Variants in PTPRD observed in about 807,000 individuals in gnomAD.
PTPRD encodes the protein protein tyrosine phosphatase receptor type D, also known as receptor-type tyrosine-protein phosphatase delta.
In PTPRD, 34 loss-of-function variants were observed where a neutral mutation model predicts 214.5. That is an observed-to-expected ratio of 0.16 (90% CI 0.12 to 0.21). The LOEUF (loss-of-function observed/expected upper bound fraction) is 0.21. Ranked by LOEUF, PTPRD falls within the 10% of genes least tolerant of loss-of-function variation. The pLI is 1.00. For synonymous variants in PTPRD, 1,128 were observed against 845.7 expected, an observed-to-expected ratio of 1.33 and a Z score of -5.79; for missense variants, 2,545 against 2,398.7, an observed-to-expected ratio of 1.06 and a Z score of -1.27.
intron 2 of PTPRD, among the ~76,000 whole-genome samples, chr9:10,453,925 T>C (rs2098878320): frequency 6.6e-6 from 1 of 151,700 alleles, no homozygotes; most frequent in Non-Finnish European, 1.5e-5. Context: ...GTGAGTCAGC[T>C]GTAGGCTTGT....
chr9:8,946,440 A>G (rs1045933560), intron 11 of PTPRD, among the ~76,000 whole-genome samples: 3 of 152,000 alleles, frequency 2.0e-5, no homozygotes, highest in Admixed American at 6.6e-5. Flanking sequence ...CATTTTATTT[A>G]TGGGAGTAAT....
intron 5 of PTPRD, among the ~76,000 whole-genome samples, chr9:9,791,290 C>T (rs1256429196): frequency 1.3e-5 from 2 of 152,066 alleles, no homozygotes; most frequent in South Asian, 2.1e-4. Flanking sequence ...TATTTGTTAA[C>T]TGCACACGTT....
chr9:9,337,457 C>G (rs539673655), intron 9 of PTPRD, among the ~76,000 whole-genome samples: 3 of 152,132 alleles, frequency 2.0e-5, no homozygotes, highest in East Asian at 1.9e-4. Flanking sequence ...GCCAAGAACA[C>G]TCCCAGTTAC....
intron 5 of PTPRD, among the ~76,000 whole-genome samples, chr9:9,875,655 G>C (rs1024942582): frequency 3.3e-5 from 5 of 152,080 alleles, no homozygotes; most frequent in Admixed American, 3.3e-4. Context: ...AACACAGTCT[G>C]AAACCTAGTA....
intron 14 of PTPRD, among the ~76,000 whole-genome samples, chr9:8,579,832 G>C (rs867360907): frequency 1.3e-5 from 2 of 152,244 alleles, no homozygotes; most frequent in East Asian, 1.9e-4. Context: ...AGATGGAAAC[G>C]GAACCAAAAG....
At chr9:8,484,077 C>A (rs755340887) in intron 30 of PTPRD, 42 bp downstream of exon 30, 1 of 1,586,308 alleles carries the variant, frequency 6.3e-7, no homozygotes, top group Non-Finnish European at 8.6e-7. Context: ...TCCTATTTAC[C>A]TATAATTCTT....
At chr9:10,169,473 C>CAATAAAAAA (rs2099186247) in intron 3 of PTPRD, among the ~76,000 whole-genome samples, 1 of 66,876 alleles carries the variant, frequency 1.5e-5, no homozygotes, top group Non-Finnish European at 2.7e-5. Context: ...GACTCTGTCT[C>CAATAAAAAA]AAAAAAAAAA....
chr9:10,273,669 A>G (rs1003031835), intron 3 of PTPRD, among the ~76,000 whole-genome samples: 3 of 152,144 alleles, frequency 2.0e-5, no homozygotes, highest in African/African-American at 7.2e-5. Context: ...CTTTATTCAA[A>G]GAACCACTAA....
intron 2 of PTPRD, among the ~76,000 whole-genome samples, chr9:10,351,831 T>G (rs2097188673): frequency 6.6e-6 from 1 of 152,014 alleles, no homozygotes; most frequent in South Asian, 2.1e-4. Context: ...ATAGACACAT[T>G]CATTTCCCAA....
intron 5 of PTPRD, among the ~76,000 whole-genome samples, chr9:9,890,402 T>G (rs1471831046): frequency 1.3e-5 from 2 of 151,994 alleles, no homozygotes; most frequent in Non-Finnish European, 2.9e-5. Context: ...TCTTCCTATG[T>G]TGCCCAGGCT....
intron 3 of PTPRD, among the ~76,000 whole-genome samples, chr9:10,270,563 A>G (rs1026255055): frequency 1.3e-5 from 2 of 152,208 alleles, no homozygotes; most frequent in Non-Finnish European, 2.9e-5. Context: ...CCATACAAAA[A>G]TCAAAATAAA....
intron 4 of PTPRD, among the ~76,000 whole-genome samples, chr9:9,944,064 G>A (rs1484988406): frequency 2.0e-5 from 3 of 152,082 alleles, no homozygotes; most frequent in South Asian, 4.1e-4. Context: ...TGAGCCCAAC[G>A]ACTGGTAAAT....
chr9:10,267,264 G>A (rs987326646), intron 3 of PTPRD, among the ~76,000 whole-genome samples: 1 of 151,402 alleles, frequency 6.6e-6, no homozygotes, highest in Non-Finnish European at 1.5e-5. Context: ...CAACACTTTT[G>A]GAAGTAGGTT....
chr9:8,859,837 T>A (rs975803743), intron 11 of PTPRD: 2 of 151,882 alleles, frequency 1.3e-5, no homozygotes, highest in Non-Finnish European at 2.9e-5. Flanking sequence ...TGCATGATTG[T>A]CTCTTGGCTT....
chr9:8,954,591 C>T (rs917929000), intron 11 of PTPRD, among the ~76,000 whole-genome samples: 3 of 151,656 alleles, frequency 2.0e-5, no homozygotes, highest in African/African-American at 7.3e-5. Context: ...AACCACTCAG[C>T]TAAAGAGCCT....
At chr9:8,842,617 T>C (rs2097580742) in intron 11 of PTPRD, among the ~76,000 whole-genome samples, 1 of 152,142 alleles carries the variant, frequency 6.6e-6, no homozygotes, top group African/African-American at 2.4e-5. Context: ...CTGTCTCTAC[T>C]ACTCTGTCTC....
At chr9:8,710,543 C>T (rs1224864550) in intron 12 of PTPRD, among the ~76,000 whole-genome samples, 1 of 152,044 alleles carries the variant, frequency 6.6e-6, no homozygotes, top group Non-Finnish European at 1.5e-5. Flanking sequence ...CTGAGCCCAA[C>T]AGGTCGAGGC....
intron 22 of PTPRD, among the ~76,000 whole-genome samples, chr9:8,505,603 C>A (rs1408840666): frequency 1.7e-5 from 2 of 114,304 alleles, no homozygotes; most frequent in Non-Finnish European, 1.6e-5. Context: ...GTCTAGGCGA[C>A]AGAGTGAGGA....
intron 11 of PTPRD, among the ~76,000 whole-genome samples, chr9:8,752,188 G>A (rs1172180510): frequency 1.3e-5 from 2 of 152,172 alleles, no homozygotes; most frequent in Non-Finnish European, 2.9e-5. Context: ...CTAAGTCACA[G>A]GATGAGATAG....
Sources: gnomAD v4.1 joint callset for allele counts (sites outside exome capture counted in the v4.1 genomes callset) on GRCh38, gnomAD v4.1.1 for gene constraint, MANE v1.5 for transcripts, NCBI Gene and HGNC (gene_info 2026-07-23, HGNC 2026-07-21) for gene names.